GSTCD: variants seen among roughly 807,000 people sequenced by gnomAD.
GSTCD encodes the protein glutathione S-transferase C-terminal domain-containing protein.
In GSTCD, 44 loss-of-function variants were observed where a neutral mutation model predicts 68.3. The observed-to-expected ratio is 0.64, with a 90% confidence interval of 0.51 to 0.83. The LOEUF (loss-of-function observed/expected upper bound fraction) is 0.83. GSTCD is among the 40% of genes least tolerant of loss of function. The probability of loss-of-function intolerance (pLI) is 0.00; values close to 1 mark genes in which losing one functional copy is unlikely to be tolerated. For missense variants in GSTCD, 739 were observed against 735.9 expected (o/e 1.00, Z -0.05); for synonymous variants, 273 against 255.2 (o/e 1.07, Z -0.67).
At chr4:105,808,710 A>G (rs1440698913) in intron 5 of GSTCD, among the ~76,000 whole-genome samples, 2 of 152,118 alleles carry the variant, frequency 1.3e-5, no homozygotes, top group African/African-American at 4.8e-5. Flanking sequence ...ACCCGCAGTC[A>G]ACTGTGGCCC....
intron 5 of GSTCD, among the ~76,000 whole-genome samples, chr4:105,821,997 A>G (rs1404526519): frequency 6.6e-6 from 1 of 151,890 alleles, no homozygotes; most frequent in Non-Finnish European, 1.5e-5. Flanking sequence ...TTTTTCTGGG[A>G]AAAAGGAGCA....
chr4:105,742,566 G>T (rs912268207), intron 5 of GSTCD, among the ~76,000 whole-genome samples: 30 of 152,330 alleles, frequency 2.0e-4, no homozygotes, highest in African/African-American at 7.2e-4. Flanking sequence ...TGTTGGTACA[G>T]TCGGTGCATT....
chr4:105,808,687 C>G (rs908611489), intron 5 of GSTCD, among the ~76,000 whole-genome samples: 5 of 152,090 alleles, frequency 3.3e-5, no homozygotes, highest in African/African-American at 1.2e-4. Context: ...GTTTCGCTTT[C>G]TGTGGTTTAG....
At chr4:105,757,325 T>C (rs963384602) in intron 5 of GSTCD, among the ~76,000 whole-genome samples, 3 of 152,192 alleles carry the variant, frequency 2.0e-5, no homozygotes, top group African/African-American at 7.2e-5. Context: ...CAAAATGAAT[T>C]CTACCTATTG....
At chr4:105,813,757 T>TG (rs1722851852) in intron 5 of GSTCD, among the ~76,000 whole-genome samples, 2 of 152,206 alleles carry the variant, frequency 1.3e-5, no homozygotes, top group South Asian at 4.1e-4. Context: ...TTGTTTCCCA[T>TG]GGCTGGCTTC....
In GSTCD at chr4:105,729,494, A is replaced by G; in HGVS notation, c.1235A>G (p.Lys412Arg). 6.2e-7 allele frequency: 1 copy of G among 1,607,028 alleles called. No homozygotes were observed. Among genetic ancestry groups the G allele is most frequent in the Non-Finnish European group, 8.5e-7 (1 of 1,175,282 alleles). ...WNVLPAAVSP[K>R]EGKMSSDRAL... Reference sequence around the variant, plus strand: ...GTTCTCCCTGCAGCAGTCAGCCCAAAGGAAGGTGAGTTTTCTTTTTTCTTT... The same window carrying G: ...GTTCTCCCTGCAGCAGTCAGCCCAAGGGAAGGTGAGTTTTCTTTTTTCTTT... The change falls in exon 5 of 12, where the codon AAG becomes AGG. Residue 412 changes from lysine (K) to arginine (R), a missense_variant. Coordinates refer to ENST00000515279, the MANE Select transcript of GSTCD (RefSeq NM_001370181.1).
intron 5 of GSTCD, among the ~76,000 whole-genome samples, chr4:105,813,188 C>T (rs548359745): frequency 2.6e-5 from 4 of 152,064 alleles, no homozygotes; most frequent in African/African-American, 7.2e-5. Flanking sequence ...TGAGCTGTTA[C>T]AAAAAAGGAT....
chr4:105,816,603 A>T (rs1457846252), intron 5 of GSTCD, among the ~76,000 whole-genome samples: 1 of 152,110 alleles, frequency 6.6e-6, no homozygotes, highest in Non-Finnish European at 1.5e-5. Flanking sequence ...ATTGACTCTG[A>T]ATAATTAAAT....
intron 5 of GSTCD, among the ~76,000 whole-genome samples, chr4:105,775,010 G>T (rs34982279): frequency 1.3e-5 from 2 of 151,846 alleles, no homozygotes; most frequent in Non-Finnish European, 2.9e-5. Flanking sequence ...CTTAGGTTTC[G>T]TCTTTTTACA....
At chr4:105,749,563 A>G (rs935534755) in intron 5 of GSTCD, among the ~76,000 whole-genome samples, 1 of 151,734 alleles carries the variant, frequency 6.6e-6, no homozygotes, top group South Asian at 2.1e-4. Context: ...TGGAAGAAGG[A>G]TAGTCTTTTC....
At chr4:105,716,728 C>T (rs561428743) in intron 1 of GSTCD, among the ~76,000 whole-genome samples, 4 of 152,312 alleles carry the variant, frequency 2.6e-5, no homozygotes, top group South Asian at 2.1e-4. Flanking sequence ...GAAACTGGTC[C>T]GTGGTGCCAA....
At chr4:105,803,059 T>G (rs933048413) in intron 5 of GSTCD, among the ~76,000 whole-genome samples, 1 of 152,108 alleles carries the variant, frequency 6.6e-6, no homozygotes, top group African/African-American at 2.4e-5. Context: ...CTATTGTTAT[T>G]TACATTTTAC....
intron 5 of GSTCD, among the ~76,000 whole-genome samples, chr4:105,792,131 G>A (rs1735700252): frequency 6.6e-6 from 1 of 151,912 alleles, no homozygotes; most frequent in South Asian, 2.1e-4. Flanking sequence ...TTCTAAGAAT[G>A]GCTTTCTATT....
chr4:105,804,132 G>C lies in GSTCD; in HGVS notation c.1241-18822G>C, dbSNP rs562526929. Among the ~76,000 whole-genome samples the C allele has an allele frequency of 1.6e-4, 25 of 152,002 alleles. No individual in the cohort carries two copies. In the South Asian group the frequency reaches 5.2e-3, roughly 32 times the overall value. Reference sequence around the variant, plus strand: ...AAGAGTATATTTTAGTTATCTGGTAGTATTTAGTTATCAGAAATTTTCCAA... The same window carrying C: ...AAGAGTATATTTTAGTTATCTGGTACTATTTAGTTATCAGAAATTTTCCAA... On this transcript the variant is annotated intron_variant, in intron 5 of 11. Transcript: ENST00000515279.
At chr4:105,714,810 T>G (rs569957067) in intron 1 of GSTCD, among the ~76,000 whole-genome samples, 3 of 152,322 alleles carry the variant, frequency 2.0e-5, no homozygotes, top group African/African-American at 7.2e-5. Context: ...TATTCTGTTT[T>G]GCTGACATTT....
In GSTCD at chr4:105,823,066, T is replaced by G. The variant is rs1367478213; in HGVS notation, c.1353T>G (p.Gly451=). 6.2e-7 allele frequency: 1 copy of G among 1,611,174 alleles called. No individual in the cohort carries two copies. The highest frequency in any genetic ancestry group is 8.5e-7 in the Non-Finnish European group (1 of 1,177,444). The part of the protein sequence containing the change: ...PGDRIVDFCS[G]GGHVGIVLAH... ...ACAGAATTGTGGATTTCTGCAGCGGTGGGGTATTTTATCTCTCCTTTCATC... is the reference window on the plus strand; with the variant it reads ...ACAGAATTGTGGATTTCTGCAGCGGGGGGGTATTTTATCTCTCCTTTCATC... The change falls in exon 6 of 12, where the codon GGT becomes GGG. Residue 451 remains glycine, a synonymous_variant. Transcript: ENST00000515279.
chr4:105,819,187 T>C (rs886471533), intron 5 of GSTCD, among the ~76,000 whole-genome samples: 1 of 151,784 alleles, frequency 6.6e-6, no homozygotes, highest in Admixed American at 6.6e-5. Flanking sequence ...TCTGATGTTC[T>C]ACTACTTCCC....
chr4:105,834,083 C>T (rs1724013116), intron 8 of GSTCD, among the ~76,000 whole-genome samples: 1 of 151,922 alleles, frequency 6.6e-6, no homozygotes, highest in Admixed American at 6.6e-5. Flanking sequence ...TATTGTTAAC[C>T]ATCATTTATA....
rs74923667 is a variant in GSTCD at position 105,825,490 on chromosome 4, T to G, written c.1402-182T>G. ...ACTATGCTTCAAAGCTATATCACTA[T>G]AGTTCAAAGACCTTTCATTTTTCCT... is the stretch of plus-strand genomic sequence containing the variant. On this transcript the variant is annotated intron_variant, in intron 7 of 11. Transcript: ENST00000515279. 8.3e-3 allele frequency among the ~76,000 whole-genome samples: 1,263 copies of G among 152,332 alleles called. 10 individuals are homozygous for G. Among genetic ancestry groups the G allele is most frequent in the Middle Eastern group, 0.027 (8 of 294 alleles).
Sources: allele counts gnomAD v4.1 joint callset (sites outside exome capture counted in the v4.1 genomes callset), GRCh38; gene constraint gnomAD v4.1.1; transcripts MANE v1.5; gene names NCBI Gene and HGNC (gene_info 2026-07-23, HGNC 2026-07-21).